NPAS1: variants seen among roughly 807,000 people sequenced by gnomAD.
The protein encoded by NPAS1 is neuronal PAS domain-containing protein 1.
Under a neutral mutation model 49.2 loss-of-function variants are expected in NPAS1, and 29 were observed. The observed-to-expected ratio is 0.59, with a 90% CI of 0.44 to 0.80. NPAS1 has a LOEUF of 0.80. Among genes scored for constraint, NPAS1 ranks in the 30% least tolerant of loss-of-function variants. The probability of loss-of-function intolerance (pLI) is 0.00; values close to 1 mark genes in which losing one functional copy is unlikely to be tolerated. For synonymous variants in NPAS1, 408 were observed against 380.4 expected, an observed-to-expected ratio of 1.07 and a Z score of -0.84; for missense variants, 825 against 835.5, an observed-to-expected ratio of 0.99 and a Z score of 0.15.
At chr19:47,026,836 C>T (rs1489827378) in intron 3 of NPAS1, among the ~76,000 whole-genome samples, 1 of 151,630 alleles carries the variant, frequency 6.6e-6, no homozygotes, top group Non-Finnish European at 1.5e-5. Context: ...TGCCTGTACT[C>T]CCAGCTACTT....
intron 5 of NPAS1, 148 bp downstream of exon 5, chr19:47,032,880 C>T: frequency 1.6e-6 from 1 of 633,358 alleles, no homozygotes; most frequent in South Asian, 1.8e-5. Flanking sequence ...CCTTGGCACC[C>T]CACATGGCAC....
intron 4 of NPAS1, 51 bp downstream of exon 4, chr19:47,032,402 C>T (rs1435016630): frequency 1.9e-6 from 3 of 1,578,578 alleles, no homozygotes; most frequent in Non-Finnish European, 1.7e-6. Flanking sequence ...ACCTAGCGGC[C>T]GCCTCTGGAG....
chr19:47,032,840 A>G (rs575825411), intron 5 of NPAS1, 108 bp downstream of exon 5: 1,257 of 784,498 alleles, frequency 1.6e-3, no homozygotes, highest in Non-Finnish European at 2.4e-3. Context: ...AGAAAAATGG[A>G]CTGGATCTCT....
At position 47,045,356 on chromosome 19, in the gene NPAS1, A is replaced by T; in HGVS notation, c.1478A>T (p.Glu493Val). Reference protein sequence around the residue: ...PSSHPATPRPEFTSVIRAGVL... With the variant: ...PSSHPATPRPVFTSVIRAGVL... ...AGCCACCCGGCCACACCGAGGCCCGAGTTCACCTCTGTCATCCGGGCAGGG... is the reference window on the plus strand; with the variant it reads ...AGCCACCCGGCCACACCGAGGCCCGTGTTCACCTCTGTCATCCGGGCAGGG... The change falls in exon 12 of 12, where the codon GAG (glutamate) becomes GTG (valine). Residue 493 changes from glutamate to valine, a missense_variant. Glu to Val is a moderately radical substitution (Grantham distance 121). Transcript: ENST00000602212. 1 of 1,613,714 alleles carries T rather than the reference A, an allele frequency of 6.2e-7. No homozygotes were observed. Among genetic ancestry groups the T allele is most frequent in the South Asian group, 1.1e-5 (1 of 91,068 alleles).
At chr19:47,030,630 C>T (rs1009470147) in intron 3 of NPAS1, among the ~76,000 whole-genome samples, 7 of 144,030 alleles carry the variant, frequency 4.9e-5, no homozygotes, top group African/African-American at 1.8e-4. Flanking sequence ...GTGCCTGGCC[C>T]TTTGCCTTTT....
intron 3 of NPAS1, among the ~76,000 whole-genome samples, chr19:47,022,981 G>C (rs2056850733): frequency 6.6e-6 from 1 of 152,200 alleles, no homozygotes; most frequent in Admixed American, 6.5e-5. Context: ...GGCTACCCCT[G>C]TCCCCACCCC....
At chr19:47,041,997 A>G (rs866039160) in intron 10 of NPAS1, among the ~76,000 whole-genome samples, 127 of 56,218 alleles carry the variant, frequency 2.3e-3, no homozygotes, top group Middle Eastern at 0.023. Context: ...AAAAAAAAAA[A>G]AAAAAAAAAA....
At chr19:47,031,193 G>T (rs1239183534) in intron 3 of NPAS1, among the ~76,000 whole-genome samples, 1 of 142,568 alleles carries the variant, frequency 7.0e-6, no homozygotes, top group Admixed American at 7.0e-5. Context: ...GTGTGTGTGT[G>T]TTTTTTTTTT....
Position 47,045,425 on chromosome 19 carries a change from C to G in NPAS1, c.1547C>G (p.Pro516Arg). ...DPVRPWGLAP[P>R]GDPPPTLLHA... The stretch of plus-strand genomic sequence containing the variant: ...GTGCGGCCATGGGGCCTGGCGCCTC[C>G]CGGGGACCCCCCGCCCACCCTCCTG... The change falls in exon 12 of 12, where the codon CCC becomes CGC. Residue 516 changes from proline to arginine, a missense_variant. By Grantham distance (103) the Pro-to-Arg change is moderately radical. Transcript: ENST00000602212. 6.2e-7 allele frequency: 1 copy of G among 1,606,466 alleles called. No individual in the cohort carries two copies. Among genetic ancestry groups the G allele is most frequent in the Non-Finnish European group, 8.5e-7 (1 of 1,177,142 alleles).
At position 47,042,900 on chromosome 19, in the gene NPAS1, C is replaced by T. The variant is rs77301726; in HGVS notation, c.1308C>T (p.Pro436=). Residue 436 remains proline, a synonymous_variant, in exon 11 of 12, where the codon CCC becomes CCT. Transcript: ENST00000602212. ...AGGCATCCAGCCCGGGGCCAGAGCC[C>T]ACAGGTGAGCCCCACCTCCCACCTT... is the stretch of plus-strand genomic sequence containing the variant. ...CEEASSPGPE[P]TEPEPPTEGK... is the part of the protein sequence containing the mutation. 7.3e-4 allele frequency: 1,168 copies of T among 1,593,266 alleles called. 7 individuals are homozygous for T. In the African/African-American group the frequency reaches 0.015, roughly 20 times the overall value.
intron 3 of NPAS1, among the ~76,000 whole-genome samples, chr19:47,031,200 T>G (rs1446288745): frequency 7.3e-5 from 11 of 151,300 alleles, no homozygotes; most frequent in South Asian, 2.1e-4. Context: ...TGTGTTTTTT[T>G]TTTTTTTTTT....
intron 5 of NPAS1, among the ~76,000 whole-genome samples, chr19:47,035,159 C>T (rs919709684): frequency 4.1e-5 from 6 of 146,470 alleles, no homozygotes; most frequent in Non-Finnish European, 7.5e-5. Flanking sequence ...CCAGCCTGGG[C>T]AACAAGAGCA....
At chr19:47,037,392 C>T (rs2056968237) in intron 6 of NPAS1, among the ~76,000 whole-genome samples, 1 of 149,696 alleles carries the variant, frequency 6.7e-6, no homozygotes, top group Non-Finnish European at 1.5e-5. Flanking sequence ...TAAGCGCAGG[C>T]CCACAATGCA....
intron 11 of NPAS1, among the ~76,000 whole-genome samples, chr19:47,044,134 C>G (rs1262873607): frequency 6.6e-6 from 1 of 152,194 alleles, no homozygotes; most frequent in African/African-American, 2.4e-5. Flanking sequence ...AGTGCAATAG[C>G]ACAATCTCGG....
chr19:47,039,003 G>T, intron 6 of NPAS1, 33 bp from the exon 7 acceptor site: 1 of 1,592,992 alleles, frequency 6.3e-7, no homozygotes, highest in Non-Finnish European at 8.6e-7. Context: ...TCCTCTTCAG[G>T]ACCCCATAAC....
chr19:47,029,972 C>T (rs757710892), intron 3 of NPAS1, among the ~76,000 whole-genome samples: 5 of 152,166 alleles, frequency 3.3e-5, no homozygotes, highest in Admixed American at 3.3e-4. Flanking sequence ...AATTTCACCA[C>T]ATCCTTACCA....
intron 9 of NPAS1, 26 bp downstream of exon 9, chr19:47,040,576 C>T: frequency 1.3e-6 from 2 of 1,491,130 alleles, no homozygotes; most frequent in Non-Finnish European, 1.8e-6. Flanking sequence ...ACCCACCAAG[C>T]CTGCCTACCA....
At position 47,028,081 on chromosome 19, in the gene NPAS1, C is replaced by T. The variant is rs558033142; in HGVS notation, c.359-4197C>T. Among the ~76,000 whole-genome samples the T allele has an allele frequency of 6.6e-5, 10 of 151,926 alleles. No individual in the cohort carries two copies. The South Asian group carries it at 1.7e-3, about 25-fold the overall frequency. On this transcript the variant is annotated intron_variant, in intron 3 of 11. Coordinates refer to ENST00000602212, the MANE Select transcript of NPAS1 (RefSeq NM_002517.4). ...TATGGGGAAGAGCAGGTCCCCAAGCCCCCCCACCACCACACCCCCTAATCC... is the reference window on the plus strand; with the variant it reads ...TATGGGGAAGAGCAGGTCCCCAAGCTCCCCCACCACCACACCCCCTAATCC...
chr19:47,040,059 C>A (rs1391235282), intron 8 of NPAS1, among the ~76,000 whole-genome samples: 1 of 152,076 alleles, frequency 6.6e-6, no homozygotes, highest in African/African-American at 2.4e-5. Flanking sequence ...TGGAGTCTCA[C>A]TCTGTCAGGC....
Sources: allele counts gnomAD v4.1 joint callset (sites outside exome capture counted in the v4.1 genomes callset), GRCh38; gene constraint gnomAD v4.1.1; transcripts MANE v1.5; gene names NCBI Gene and HGNC (gene_info 2026-07-23, HGNC 2026-07-21).